CHN2: variants seen among roughly 807,000 people sequenced by gnomAD.
CHN2 encodes the protein chimerin 2.
A neutral mutation model predicts 56.3 loss-of-function variants in CHN2; 35 were observed. The observed-to-expected ratio is 0.62, with a 90% CI of 0.47 to 0.82. CHN2 has a LOEUF of 0.82. Among genes scored for constraint, CHN2 ranks in the 40% least tolerant of loss-of-function variants. The probability of loss-of-function intolerance (pLI) is 0.00; values close to 1 mark genes in which losing one functional copy is unlikely to be tolerated. For synonymous variants in CHN2, 210 were observed against 212.8 expected, an observed-to-expected ratio of 0.99 and a Z score of 0.12; for missense variants, 491 against 580.5, an observed-to-expected ratio of 0.85 and a Z score of 1.58.
At position 29,487,543 on chromosome 7, in the gene CHN2, C is replaced by T. The variant is rs75544513; in HGVS notation, c.654+7187C>T. Reference sequence around the variant, plus strand: ...ATCTTAAGCTAAATAGACTATTATACAGGATGGTCTCATAAAGCCTCCAGG... The same window carrying T: ...ATCTTAAGCTAAATAGACTATTATATAGGATGGTCTCATAAAGCCTCCAGG... On this transcript the variant is annotated intron_variant, in intron 7 of 12. Transcript: ENST00000222792. 2.6e-3 allele frequency among the ~76,000 whole-genome samples: 403 copies of T among 152,192 alleles called. 3 individuals carry two copies. The highest frequency in any genetic ancestry group is 9.1e-3 in the African/African-American group (378 of 41,522).
chr7:29,232,112 G>A lies in CHN2; in HGVS notation c.49+37122G>A, dbSNP rs578136710. On this transcript the variant is annotated intron_variant, in intron 1 of 12. Transcript: ENST00000222792. The stretch of plus-strand genomic sequence containing the variant: ...AGACCCTGGGCTATGGTTGAGAAAG[G>A]CCAGAGAGGAAATTCCTCTTTGGAT... Among the ~76,000 whole-genome samples the A allele has an allele frequency of 4.6e-5, 7 of 152,234 alleles. No homozygotes were observed. In the South Asian group the frequency reaches 1.2e-3, roughly 27 times the overall value.
intron 1 of CHN2, among the ~76,000 whole-genome samples, chr7:29,217,975 C>G (rs569829703): frequency 1.3e-4 from 20 of 152,026 alleles, no homozygotes; most frequent in Non-Finnish European, 2.8e-4. Context: ...AATCAGAAGA[C>G]ATTCACTTTT....
intron 1 of CHN2, among the ~76,000 whole-genome samples, chr7:29,309,796 G>C (rs1794447671): frequency 6.6e-6 from 1 of 152,210 alleles, no homozygotes; most frequent in African/African-American, 2.4e-5. Context: ...GGGCCACTTT[G>C]CCACGCAGGC....
chr7:29,206,367 C>T (rs538657120), intron 1 of CHN2, among the ~76,000 whole-genome samples: 33 of 152,226 alleles, frequency 2.2e-4, no homozygotes, highest in South Asian at 4.2e-4. Context: ...CTGCACCCTG[C>T]GCTTCCTGGG....
At chr7:29,226,285 T>C (rs529785503) in intron 1 of CHN2, among the ~76,000 whole-genome samples, 37 of 152,194 alleles carry the variant, frequency 2.4e-4, no homozygotes, top group Non-Finnish European at 4.6e-4. Context: ...TTTAGGCTTT[T>C]TGAAAACTTC....
intron 6 of CHN2, among the ~76,000 whole-genome samples, chr7:29,473,482 T>TCTTTG (rs1554299029): frequency 1.7e-5 from 2 of 118,166 alleles, no homozygotes; most frequent in Admixed American, 1.7e-4. Flanking sequence ...TTTTTTTTTT[T>TCTTTG]TGTGTGTGTG....
intron 1 of CHN2, among the ~76,000 whole-genome samples, chr7:29,300,474 T>G (rs1470288185): frequency 5.3e-5 from 5 of 93,564 alleles, no homozygotes; most frequent in Admixed American, 3.4e-4. Context: ...GAATGGACAA[T>G]CTTGGGAAAA....
At position 29,403,502 on chromosome 7, in the gene CHN2, C is replaced by T. The variant is rs75312659; in HGVS notation, c.576+2674C>T. Among the ~76,000 whole-genome samples the T allele has an allele frequency of 8.6e-3, 1,313 of 152,144 alleles. 18 individuals carry two copies. Among genetic ancestry groups the T allele is most frequent in the African/African-American group, 0.029 (1,201 of 41,492 alleles). ...TCGTTTCCAAATGAATCCAGAGAGACGATGTTACCTGTGTATCCAAGAATA... is the reference window on the plus strand; with the variant it reads ...TCGTTTCCAAATGAATCCAGAGAGATGATGTTACCTGTGTATCCAAGAATA... On this transcript the variant is annotated intron_variant, in intron 6 of 12. Transcript: ENST00000222792.
intron 6 of CHN2, among the ~76,000 whole-genome samples, chr7:29,414,156 TC>T (rs1028093774): frequency 1.2e-4 from 18 of 152,156 alleles, no homozygotes; most frequent in African/African-American, 3.9e-4. Flanking sequence ...TCTCACTTCT[TC>T]CAGTCATGAT....
At chr7:29,295,204 A>C (rs533861714) in intron 1 of CHN2, among the ~76,000 whole-genome samples, 1 of 152,270 alleles carries the variant, frequency 6.6e-6, no homozygotes, top group South Asian at 2.1e-4. Context: ...TGTTCAGTAC[A>C]GATGGAACCA....
rs34520366 is a variant in CHN2 at position 29,298,874 on chromosome 7, TAAAAA to T, written c.50-55745_50-55741del. Among the ~76,000 whole-genome samples, 1,047 of 151,632 alleles carry T rather than the reference TAAAAA, an allele frequency of 6.9e-3. 12 individuals carry two copies. The highest frequency in any genetic ancestry group is 0.024 in the African/African-American group (1,002 of 41,334). ...CTCTTTCTCCAGTCCTCATTTTTGT[TAAAAA>T]AAAAATTATGATAGGACTAAGTTGT... On this transcript the variant is annotated intron_variant, in intron 1 of 12. Coordinates refer to ENST00000222792, the MANE Select transcript of CHN2 (RefSeq NM_004067.4).
chr7:29,155,827 A>G (rs1220095992), intron 2 of CHN2, among the ~76,000 whole-genome samples: 1 of 151,968 alleles, frequency 6.6e-6, no homozygotes, highest in Non-Finnish European at 1.5e-5. Context: ...GCCTCAGGAC[A>G]CCTGGAAAGG....
chr7:29,422,446 A>G (rs1804442433), intron 6 of CHN2, among the ~76,000 whole-genome samples: 1 of 152,220 alleles, frequency 6.6e-6, no homozygotes, highest in East Asian at 1.9e-4. Context: ...CTGCATGATC[A>G]AGGTCAAATT....
chr7:29,425,750 A>G (rs1804799562), intron 6 of CHN2, among the ~76,000 whole-genome samples: 1 of 152,110 alleles, frequency 6.6e-6, no homozygotes, highest in Admixed American at 6.5e-5. Flanking sequence ...AAATTATTAT[A>G]TTGATATAAT....
rs1178453422 is a variant in CHN2, at chr7:29,480,325, A to T, written c.623A>T (p.His208Leu). 6.2e-7 allele frequency: 1 copy of T among 1,614,040 alleles called. No homozygotes were observed. The highest frequency in any genetic ancestry group is 8.5e-7 in the Non-Finnish European group (1 of 1,180,012). ...RRAALTHNDN[H>L]FNYEKTHNFK... ...GCTGCCCTCACACACAACGACAACC[A>T]CTTCAATTATGAGAAGACACACAAC... Residue 208 changes from histidine (H) to leucine (L), a missense_variant, in exon 7 of 13, where the codon CAC becomes CTC. His to Leu is a moderately conservative substitution (Grantham distance 99, BLOSUM62 -3). Coordinates refer to ENST00000222792, the MANE Select transcript of CHN2 (RefSeq NM_004067.4).
intron 9 of CHN2, among the ~76,000 whole-genome samples, chr7:29,502,837 C>T (rs950412883): frequency 6.6e-5 from 10 of 151,928 alleles, no homozygotes; most frequent in African/African-American, 2.4e-4. Flanking sequence ...ACCTATCAAC[C>T]TGTCATCTAA....
At chr7:29,265,027 T>TC in intron 1 of CHN2, among the ~76,000 whole-genome samples, 1 of 152,250 alleles carries the variant, frequency 6.6e-6, no homozygotes, top group Non-Finnish European at 1.5e-5. Context: ...GTAGAAAGTA[T>TC]CCATTGTGGA....
chr7:29,352,659 G>A (rs1797977622), intron 1 of CHN2, among the ~76,000 whole-genome samples: 1 of 152,106 alleles, frequency 6.6e-6, no homozygotes, highest in African/African-American at 2.4e-5. Flanking sequence ...GGAGGCAGAG[G>A]TTGCAGTGAG....
At chr7:29,483,958 C>T (rs1357405960) in intron 7 of CHN2, 14 of 1,087,132 alleles carry the variant, frequency 1.3e-5, no homozygotes, top group Middle Eastern at 2.3e-4. Flanking sequence ...AGTCACTTAT[C>T]GTGGTCTCTG....
Sources: gnomAD v4.1 joint callset for allele counts (sites outside exome capture counted in the v4.1 genomes callset) on GRCh38, gnomAD v4.1.1 for gene constraint, MANE v1.5 for transcripts, NCBI Gene and HGNC (gene_info 2026-07-23, HGNC 2026-07-21) for gene names.